RANGAP1: variants seen among roughly 807,000 people sequenced by gnomAD.
The protein encoded by RANGAP1 is Ran GTPase activating protein 1, also known as ran GTPase-activating protein 1.
RANGAP1 carries 38 observed loss-of-function variants against 63.5 expected under a neutral mutation model. The observed-to-expected ratio is 0.60, with a 90% CI of 0.46 to 0.78. RANGAP1 has a LOEUF of 0.78. RANGAP1 is among the 30% of genes least tolerant of loss of function. The pLI is 0.00. For synonymous variants in RANGAP1, 329 were observed against 310.5 expected, an observed-to-expected ratio of 1.06 and a Z score of -0.63; for missense variants, 630 against 740.3, an observed-to-expected ratio of 0.85 and a Z score of 1.73.
the RANGAP1 span, among the ~76,000 whole-genome samples, chr22:41,295,104 T>C: frequency 7.9e-5 from 9 of 114,370 alleles, no homozygotes; most frequent in Admixed American, 6.8e-4. Context: ...CCGGCCAGCC[T>C]CCCCGTCCGG....
intron 1 of RANGAP1, chr22:41,281,621 C>T: frequency 2.0e-6 from 2 of 986,902 alleles, no homozygotes; most frequent in Non-Finnish European, 2.4e-6. Flanking sequence ...CGTCTGGTTT[C>T]AACCGTGGCC....
rs544029160 is a variant in RANGAP1 at position 41,257,175 on chromosome 22, T to C, written c.775-351A>G. 7.9e-4 allele frequency among the ~76,000 whole-genome samples: 121 copies of C among 152,218 alleles called. 1 individual carries two copies. Among genetic ancestry groups the C allele is most frequent in the South Asian group, 2.7e-3 (13 of 4,828 alleles). ...CCTATACAACTTAGCCAAAATGTGATCTCTTCCAGGAAGCCTGCCCTAAGT... is the reference window on the plus strand; with the variant it reads ...CCTATACAACTTAGCCAAAATGTGACCTCTTCCAGGAAGCCTGCCCTAAGT... On this transcript the variant is annotated intron_variant, in intron 7 of 15. Transcript: ENST00000356244. This position sits in a 1 kb window ranked among gnomAD's most constrained non-coding sequence, Gnocchi z 4.0.
At chr22:41,268,598 T>C (rs1396890958) in intron 3 of RANGAP1, among the ~76,000 whole-genome samples, 2 of 151,968 alleles carry the variant, frequency 1.3e-5, no homozygotes, top group African/African-American at 4.8e-5. Flanking sequence ...GCTGGACCCA[T>C]TCTGGCTGTA....
the RANGAP1 span, among the ~76,000 whole-genome samples, chr22:41,294,950 G>A: frequency 8.8e-6 from 1 of 113,078 alleles, no homozygotes; most frequent in Admixed American, 8.7e-5. Flanking sequence ...CCCCCCGCCC[G>A]GCCAGCCGCC....
the RANGAP1 span, among the ~76,000 whole-genome samples, chr22:41,297,537 C>G: frequency 6.6e-6 from 1 of 151,246 alleles, no homozygotes; most frequent in Non-Finnish European, 1.5e-5. Context: ...TCAAGACAAC[C>G]TCTTGCTCTG....
intron 5 of RANGAP1, among the ~76,000 whole-genome samples, chr22:41,263,009 G>A (rs1054144540): frequency 2.6e-5 from 4 of 152,182 alleles, no homozygotes; most frequent in Non-Finnish European, 5.9e-5. Context: ...CTCCCAAGAG[G>A]CATAGGTCAG....
At chr22:41,275,339 A>G (rs1203336701) in intron 2 of RANGAP1, among the ~76,000 whole-genome samples, 1 of 152,098 alleles carries the variant, frequency 6.6e-6, no homozygotes, top group Non-Finnish European at 1.5e-5. Flanking sequence ...TAAAAATACA[A>G]AAATTAGCTG....
chr22:41,295,266 G>C, the RANGAP1 span, among the ~76,000 whole-genome samples: 1 of 151,868 alleles, frequency 6.6e-6, no homozygotes, highest in Non-Finnish European at 1.5e-5. Flanking sequence ...AGGGGGGAAA[G>C]GTGGGGAAAA....
chr22:41,294,284 C>T, the RANGAP1 span, among the ~76,000 whole-genome samples: 2 of 152,224 alleles, frequency 1.3e-5, no homozygotes, highest in African/African-American at 4.8e-5. Context: ...CAGCTCCTAA[C>T]CGCGAGTGAT....
Position 41,258,007 on chromosome 22 carries a change from G to A in RANGAP1, c.715C>T (p.Arg239Trp), listed in dbSNP as rs2033945960. 30 of 1,613,088 alleles carry A rather than the reference G, an allele frequency of 1.9e-5. No homozygotes were observed. In the East Asian group the frequency reaches 6.0e-4, roughly 32 times the overall value. Residue 239 changes from arginine to tryptophan, a missense_variant, in exon 7 of 16, where the codon CGG becomes TGG. Coordinates refer to ENST00000356244, the MANE Select transcript of RANGAP1 (RefSeq NM_002883.4). Reference protein sequence around the residue: ...AQAFAVNPLLRVINLNDNTFT... With the variant: ...AQAFAVNPLLWVINLNDNTFT... ...GTGTTGTCATTCAGGTTGATGACCC[G>A]CAGCAGGGGGTTGACAGCGAAAGCC...
intron 2 of RANGAP1, among the ~76,000 whole-genome samples, chr22:41,275,551 C>T (rs2035086031): frequency 6.6e-6 from 1 of 151,760 alleles, no homozygotes; most frequent in Non-Finnish European, 1.5e-5. Flanking sequence ...GAGGCCAAGG[C>T]AGGCGGATCA....
At position 41,246,090 on chromosome 22, in the gene RANGAP1, G is replaced by C. The variant is rs1444144680; in HGVS notation, c.*513C>G. 1 of 169,494 alleles carries C rather than the reference G, an allele frequency of 5.9e-6. No homozygotes were observed. Among genetic ancestry groups the C allele is most frequent in the Non-Finnish European group, 1.3e-5 (1 of 78,650 alleles). The allele number at this position is 169,494 out of a possible 1,614,324, so 10.5% of individuals were successfully genotyped here. A position where few individuals can be genotyped will look rare whatever the true frequency, so the allele number is the denominator to read the frequency against. On this transcript the variant is annotated 3_prime_UTR_variant, in exon 16 of 16. Coordinates refer to ENST00000356244, the MANE Select transcript of RANGAP1 (RefSeq NM_002883.4). ...GCTGAGCGGTCAGCACAGTGGTATG[G>C]ATGGTAGGGGTGACAGCTGCCGCAG... is the stretch of plus-strand genomic sequence containing the variant.
chr22:41,301,447 A>C, the RANGAP1 span: 1 of 152,124 alleles, frequency 6.6e-6, no homozygotes, highest in Non-Finnish European at 1.5e-5. Flanking sequence ...CCAGGTGCGC[A>C]GCCCGCGCCG....
At chr22:41,266,536 ATTC>A (rs2034486404) in intron 4 of RANGAP1, among the ~76,000 whole-genome samples, 1 of 152,138 alleles carries the variant, frequency 6.6e-6, no homozygotes, top group South Asian at 2.1e-4. Flanking sequence ...CTGACTTGAA[ATTC>A]TTTTTTTTTG....
chr22:41,251,140 T>C lies in RANGAP1; in HGVS notation c.1381-31A>G, dbSNP rs2033417327. ...GACAAAAGAGACAATGGTTGGCCTG[T>C]GGCACGTGGTGGAGAGGTACCTGGG... On this transcript the variant is annotated intron_variant, in intron 12 of 15. Coordinates refer to ENST00000356244, the MANE Select transcript of RANGAP1 (RefSeq NM_002883.4). 4.4e-6 allele frequency: 7 copies of C among 1,574,026 alleles called. 1 individual carries two copies. The highest frequency in any genetic ancestry group is 1.7e-4 in the Middle Eastern group (1 of 5,986).
intron 13 of RANGAP1, 94 bp from the exon 14 acceptor site, chr22:41,249,911 C>T (rs752321694): frequency 7.4e-6 from 8 of 1,086,002 alleles, no homozygotes; most frequent in Non-Finnish European, 1.1e-5. Context: ...CAGACACAGG[C>T]TCGCCTGCCT....
chr22:41,276,763 GTCAGGAGT>G lies in RANGAP1; in HGVS notation c.113-2044_113-2037del, dbSNP rs1472423610. 8.6e-5 allele frequency among the ~76,000 whole-genome samples: 13 copies of G among 151,966 alleles called. No homozygotes were observed. In the South Asian group the frequency reaches 2.1e-3, roughly 24 times the overall value. On this transcript the variant is annotated intron_variant, in intron 2 of 15. Coordinates refer to ENST00000356244, the MANE Select transcript of RANGAP1 (RefSeq NM_002883.4). ...GAGGCCAAGGCGGGCGGATCGTGAGGTCAGGAGTTCAGGAGTTCAAGAACAGCCTGGCC... is the reference window on the plus strand; with the variant it reads ...GAGGCCAAGGCGGGCGGATCGTGAGGTCAGGAGTTCAAGAACAGCCTGGCC...
upstream of RANGAP1, among the ~76,000 whole-genome samples, chr22:41,288,920 A>ATTTT (rs10657576): frequency 3.0e-4 from 33 of 111,098 alleles, no homozygotes; most frequent in Admixed American, 4.3e-4. Context: ...CTATATCCTG[A>ATTTT]TTTTTTTTTT....
At chr22:41,293,596 G>T in the RANGAP1 span, among the ~76,000 whole-genome samples, 3 of 151,632 alleles carry the variant, frequency 2.0e-5, no homozygotes, top group Non-Finnish European at 4.4e-5. Flanking sequence ...GGCTCACACG[G>T]TGAAACCCCA....
Sources: allele counts gnomAD v4.1 joint callset (sites outside exome capture counted in the v4.1 genomes callset), GRCh38; gene constraint gnomAD v4.1.1; non-coding constraint Gnocchi (gnomAD v3.1); transcripts MANE v1.5; gene names NCBI Gene and HGNC (gene_info 2026-07-23, HGNC 2026-07-21).